ING1: variants seen among roughly 807,000 people sequenced by gnomAD.
The protein encoded by ING1 is inhibitor of growth family member 1, also known as inhibitor of growth protein 1.
A neutral mutation model predicts 23.1 loss-of-function variants in ING1; 4 were observed. The observed-to-expected ratio is 0.17, with a 90% confidence interval of 0.09 to 0.40. The LOEUF (loss-of-function observed/expected upper bound fraction) is 0.40, where lower values mean the gene tolerates loss of function less well. Among genes scored for constraint, ING1 ranks in the 10% least tolerant of loss-of-function variants. The pLI, the probability that ING1 is intolerant of heterozygous loss-of-function variation, is 1.00. For synonymous variants in ING1, 179 were observed against 166.4 expected (o/e 1.08, Z -0.58); for missense variants, 256 against 393.8 (o/e 0.65, Z 2.96).
upstream of ING1, chr13:110,713,283 T>G: frequency 7.8e-7 from 1 of 1,282,788 alleles, no homozygotes; most frequent in Non-Finnish European, 9.9e-7. Flanking sequence ...GAGGAGCGAG[T>G]TGCGGTAGTT....
chr13:110,712,627 G>A (rs976875663), upstream of ING1: 8 of 539,984 alleles, frequency 1.5e-5, no homozygotes, highest in East Asian at 1.1e-4. Context: ...CTTTGGGAGG[G>A]TAGAGGGGCG....
chr13:110,713,341 C>T (rs1566376318), upstream of ING1: 11 of 1,107,622 alleles, frequency 9.9e-6, no homozygotes, highest in Non-Finnish European at 1.1e-5. Context: ...CCCGTTAGGT[C>T]CTGGTCGGGT....
chr13:110,715,397 AGCATATTATGGAACGTCCC>A, intron 1 of ING1: 1 of 1,517,948 alleles, frequency 6.6e-7, no homozygotes. Context: ...GAACTTCATT[AGCATATTATGGAACGTCCC>A]GCCTCAGCCC....
In ING1 at chr13:110,713,997, C is replaced by T. The variant is rs1171078479; in HGVS notation, c.-153C>T. The T allele has an allele frequency of 5.5e-5, 63 of 1,146,488 alleles. No homozygotes were observed. The highest frequency in any genetic ancestry group is 6.0e-5 in the Non-Finnish European group (56 of 932,994). The allele number at this position is 1,146,488 out of a possible 1,614,324, so 71.0% of individuals were successfully genotyped here. ...CGGACCCGGAGGCGGCGGACGGGCT[C>T]GGCAGATGTAGCCGCCGGGCCGAAG... On this transcript the variant is annotated 5_prime_UTR_variant, in exon 1 of 2. Transcript: ENST00000333219.
chr13:110,713,279 CGAGT>C, upstream of ING1: 1 of 1,277,582 alleles, frequency 7.8e-7, no homozygotes, highest in Non-Finnish European at 9.9e-7. Context: ...GGCTGAGGAG[CGAGT>C]TGCGGTAGTT....
chr13:110,712,729 G>A (rs1462006909), upstream of ING1: 4 of 696,932 alleles, frequency 5.7e-6, no homozygotes, highest in Non-Finnish European at 7.9e-6. Context: ...CCAAGTGTGG[G>A]GAGCGGCCTC....
rs558770251 is a variant in ING1, at chr13:110,713,768, G to A, written c.-382G>A. ...CGCGCCCCTTCCCGCTGCCCGCTCC[G>A]CTCCTCTCTTCTACCCAGCCCAGTG... On this transcript the variant is annotated 5_prime_UTR_variant, in exon 1 of 2. Transcript: ENST00000333219. 101 of 985,038 alleles carry A rather than the reference G, an allele frequency of 1.0e-4. 1 individual carries two copies. In the African/African-American group the frequency reaches 1.6e-3, roughly 15 times the overall value. The allele number at this position is 985,038 out of a possible 1,614,324, so 61.0% of individuals were successfully genotyped here.
intron 1 of ING1, chr13:110,715,639 A>T: frequency 6.2e-7 from 1 of 1,613,448 alleles, no homozygotes; most frequent in South Asian, 1.1e-5. Context: ...CCAGCCTTGG[A>T]TTGGTTCTTC....
Position 110,719,715 on chromosome 13 carries a change from A to G in ING1, c.623A>G (p.Asn208Ser), listed in dbSNP as rs2064156546. 6.2e-7 allele frequency: 1 copy of G among 1,613,870 alleles called. No individual in the cohort carries two copies. The highest frequency in any genetic ancestry group is 8.5e-7 in the Non-Finnish European group (1 of 1,179,940). Reference sequence around the variant, plus strand: ...CCTGCCGACCTCCCCATCGACCCCAACGAACCCACGTACTGTCTGTGCAAC... The same window carrying G: ...CCTGCCGACCTCCCCATCGACCCCAGCGAACCCACGTACTGTCTGTGCAAC... ...ASPADLPIDP[N>S]EPTYCLCNQV... The change falls in exon 2 of 2, where the codon AAC (asparagine) becomes AGC (serine). Residue 208 changes from asparagine to serine, a missense_variant. Around this residue, in one of 3 missense-constraint regions of ING1, gnomAD observed 25 missense variants for 95.8 expected, o/e 0.26. Coordinates refer to ENST00000333219, the MANE Select transcript of ING1 (RefSeq NM_198219.3). This position sits in a 1 kb window ranked among gnomAD's most constrained non-coding sequence, Gnocchi z 8.9.
At chr13:110,715,075 GTGC>G in intron 1 of ING1, 1 of 1,027,850 alleles carries the variant, frequency 9.7e-7, no homozygotes, top group South Asian at 4.2e-5. Context: ...GAGAGGACCT[GTGC>G]GTCGTTCTCT....
chr13:110,715,358 G>T, intron 1 of ING1: 1 of 1,485,766 alleles, frequency 6.7e-7, no homozygotes, highest in Non-Finnish European at 8.9e-7. Context: ...CGTTCTATCC[G>T]AGACGTAGCT....
rs766165351 is a variant in ING1 at position 110,720,936 on chromosome 13, T to TA, written c.*1005dup. On this transcript the variant is annotated 3_prime_UTR_variant, in exon 2 of 2. Coordinates refer to ENST00000333219, the MANE Select transcript of ING1 (RefSeq NM_198219.3). ...AGTTACTTAATTGCCAGCAAATAAA[T>TA]ACGTGTCAAAAAAGAATCTGTATTC... The TA allele has an allele frequency of 1.2e-5, 2 of 167,140 alleles. No homozygotes were observed. Among genetic ancestry groups the TA allele is most frequent in the Non-Finnish European group, 2.9e-5 (2 of 68,126 alleles). The allele number at this position is 167,140 out of a possible 1,614,324, so 10.4% of individuals were successfully genotyped here. A position where few individuals can be genotyped will look rare whatever the true frequency, so the allele number is the denominator to read the frequency against.
In ING1 at chr13:110,719,110, G is replaced by A. The variant is rs2064148715; in HGVS notation, c.137-119G>A. 1.1e-6 allele frequency: 1 copy of A among 901,542 alleles called. No homozygotes were observed. The highest frequency in any genetic ancestry group is 1.7e-6 in the Non-Finnish European group (1 of 598,200). 55.8% of individuals were successfully genotyped at this position (901,542 alleles called of 1,614,324 possible). On this transcript the variant is annotated intron_variant, in intron 1 of 1. Coordinates refer to ENST00000333219, the MANE Select transcript of ING1 (RefSeq NM_198219.3). This position sits in a 1 kb window ranked among gnomAD's most constrained non-coding sequence, Gnocchi z 8.9. The stretch of plus-strand genomic sequence containing the variant: ...GCCTGTGGCTGGTGGGCTTTGTTCT[G>A]GGCAAGCCGTGCGCTGGCCCCTAGG...
chr13:110,714,332 C>T, intron 1 of ING1, 47 bp downstream of exon 1: 1 of 1,421,642 alleles, frequency 7.0e-7, no homozygotes, highest in Non-Finnish European at 9.3e-7. Flanking sequence ...TCCTTCCCGG[C>T]GGGTCCGGGC....
chr13:110,714,341 G>A, intron 1 of ING1, 56 bp downstream of exon 1: 1 of 1,463,842 alleles, frequency 6.8e-7, no homozygotes, highest in Non-Finnish European at 9.0e-7. Flanking sequence ...GCGGGTCCGG[G>A]CGCGCCGCGG....
rs930579374 is a variant in ING1 at position 110,719,601 on chromosome 13, A to G, written c.509A>G (p.Asp170Gly). Residue 170 changes from aspartate to glycine, a missense_variant, in exon 2 of 2, where the codon GAC (aspartate) becomes GGC (glycine). Asp to Gly is a moderately conservative substitution (Grantham distance 94, BLOSUM62 -1). Around this residue, in one of 3 missense-constraint regions of ING1, gnomAD observed 209 missense variants for 273.8 expected, o/e 0.76. Coordinates refer to ENST00000333219, the MANE Select transcript of ING1 (RefSeq NM_198219.3). The surrounding 1 kb of genome is among the most constrained non-coding windows in gnomAD (Gnocchi z 8.9). ...GCGTCCAGCAACCACGACCACGACG[A>G]CGGCGCCTCGGGCACACCCAAGGAG... ...ENASSNHDHD[D>G]GASGTPKEKK... is the part of the protein sequence containing the mutation. 2 of 1,611,608 alleles carry G rather than the reference A, an allele frequency of 1.2e-6. No individual in the cohort carries two copies. Among genetic ancestry groups the G allele is most frequent in the Non-Finnish European group, 1.7e-6 (2 of 1,179,458 alleles).
chr13:110,722,807 G>A lies in ING1; in HGVS notation c.*2875G>A, dbSNP rs929774317. ...GGACTGGCAGTCTTAAATCACTCTTGTTATTTCCAGTGGACATTAAAAAAA... is the reference window on the plus strand; with the variant it reads ...GGACTGGCAGTCTTAAATCACTCTTATTATTTCCAGTGGACATTAAAAAAA... On this transcript the variant is annotated 3_prime_UTR_variant, in exon 2 of 2. Transcript: ENST00000333219. 2 of 150,132 alleles carry A rather than the reference G, an allele frequency of 1.3e-5. No homozygotes were observed. Among genetic ancestry groups the A allele is most frequent in the African/African-American group, 2.4e-5 (1 of 41,292 alleles). The allele number at this position is 150,132 out of a possible 1,614,324, so 9.3% of individuals were successfully genotyped here. A position where few individuals can be genotyped will look rare whatever the true frequency, so the allele number is the denominator to read the frequency against.
At chr13:110,716,576 G>A (rs1199669248) in intron 1 of ING1, among the ~76,000 whole-genome samples, 1 of 152,190 alleles carries the variant, frequency 6.6e-6, no homozygotes, top group Non-Finnish European at 1.5e-5. Context: ...GAGGTTGCTT[G>A]AATTATTTTT....
upstream of ING1, chr13:110,713,111 G>GT (rs2064055762): frequency 1.4e-6 from 2 of 1,436,184 alleles, no homozygotes; most frequent in Non-Finnish European, 1.8e-6. Flanking sequence ...GTTTCTAGTA[G>GT]TAAGAGTCCG....
Sources: allele counts gnomAD v4.1 joint callset (sites outside exome capture counted in the v4.1 genomes callset), GRCh38; gene constraint gnomAD v4.1.1; regional missense constraint gnomAD v4.1.1; non-coding constraint Gnocchi (gnomAD v3.1); transcripts MANE v1.5; gene names NCBI Gene and HGNC (gene_info 2026-07-23, HGNC 2026-07-21).